TANC1: variants seen among roughly 807,000 people sequenced by gnomAD.
TANC1 encodes the protein tetratricopeptide repeat, ankyrin repeat and coiled-coil containing 1.
A neutral mutation model predicts 149.7 loss-of-function variants in TANC1; 77 were observed. The observed-to-expected ratio is 0.51, with a 90% CI of 0.43 to 0.62. The LOEUF is 0.62. TANC1 is among the 20% of genes least tolerant of loss of function. TANC1 has a pLI of 0.00. For missense variants in TANC1, 1,985 were observed against 2,321.8 expected, an observed-to-expected ratio of 0.85 and a Z score of 2.98; for synonymous variants, 854 against 925.0, an observed-to-expected ratio of 0.92 and a Z score of 1.39.
rs201563776 is a variant in TANC1 at position 159,219,370 on chromosome 2, G to A, written c.3502+9G>A. 8.9e-5 allele frequency: 141 copies of A among 1,585,646 alleles called. No homozygotes were observed. In the East Asian group the frequency reaches 1.7e-3, roughly 19 times the overall value. On this transcript the variant is annotated intron_variant, in intron 21 of 26. Coordinates refer to ENST00000263635, the MANE Select transcript of TANC1 (RefSeq NM_033394.3). The stretch of plus-strand genomic sequence containing the variant: ...ATTCCTCCTTTCAAAAGGTAGCAGC[G>A]TGATGCCCTCAAAGGTTTCTTTTGG...
At chr2:159,024,603 T>C (rs1011567142) in intron 2 of TANC1, among the ~76,000 whole-genome samples, 12 of 151,984 alleles carry the variant, frequency 7.9e-5, no homozygotes, top group Admixed American at 2.0e-4. Context: ...ATATAAAAAT[T>C]AGCTGGGCAT....
intron 2 of TANC1, among the ~76,000 whole-genome samples, chr2:159,060,676 T>A (rs890747303): frequency 6.6e-6 from 1 of 152,214 alleles, no homozygotes; most frequent in Non-Finnish European, 1.5e-5. Flanking sequence ...CTTCTGTTTG[T>A]ATCTGTTAAA....
chr2:159,131,771 A>G (rs888864985), intron 4 of TANC1, among the ~76,000 whole-genome samples: 1 of 152,270 alleles, frequency 6.6e-6, no homozygotes, highest in East Asian at 1.9e-4. Flanking sequence ...GTGGGGGACA[A>G]TAAAACCTAT....
Position 158,996,119 on chromosome 2 carries a change from G to C in TANC1, c.-125-4961G>C, listed in dbSNP as rs147830864. 2.1e-3 allele frequency among the ~76,000 whole-genome samples: 324 copies of C among 152,366 alleles called. 2 individuals are homozygous for C. Among genetic ancestry groups the C allele is most frequent in the African/African-American group, 7.1e-3 (296 of 41,580 alleles). ...AAATCCCAGCACTTTGGGAGGCCAA[G>C]GTGGGAGGACTGTTTGAGCCCAGGA... is the stretch of plus-strand genomic sequence containing the variant. On this transcript the variant is annotated intron_variant, in intron 1 of 26. Coordinates refer to ENST00000263635, the MANE Select transcript of TANC1 (RefSeq NM_033394.3).
At chr2:159,006,967 A>G (rs1446139663) in intron 2 of TANC1, among the ~76,000 whole-genome samples, 2 of 152,132 alleles carry the variant, frequency 1.3e-5, no homozygotes, top group African/African-American at 2.4e-5. Flanking sequence ...GGGGAAAAAT[A>G]TAGTTCTTAC....
chr2:159,031,609 A>C (rs2039787325), intron 2 of TANC1, among the ~76,000 whole-genome samples: 1 of 152,230 alleles, frequency 6.6e-6, no homozygotes, highest in Non-Finnish European at 1.5e-5. Flanking sequence ...TCATGAAAGT[A>C]CTCTTTACCA....
At chr2:159,129,000 A>T (rs6724143) in intron 4 of TANC1, among the ~76,000 whole-genome samples, 20 of 152,020 alleles carry the variant, frequency 1.3e-4, no homozygotes, top group Admixed American at 1.3e-3. Context: ...CCACTGTGGA[A>T]TGAAAACCTA....
chr2:159,064,601 G>T (rs917083993), intron 2 of TANC1, among the ~76,000 whole-genome samples: 1 of 152,194 alleles, frequency 6.6e-6, no homozygotes, highest in African/African-American at 2.4e-5. Context: ...TGGCAAGCCA[G>T]CCTCCCTGGG....
chr2:159,151,440 G>A (rs1056227033), intron 7 of TANC1, among the ~76,000 whole-genome samples: 3 of 152,312 alleles, frequency 2.0e-5, no homozygotes, highest in East Asian at 1.9e-4. Flanking sequence ...GCAGTTTCAC[G>A]CAGAGCTCTT....
rs372297935 is a variant in TANC1, at chr2:159,136,238, G to A, written c.304G>A (p.Gly102Arg). 10 of 1,613,428 alleles carry A rather than the reference G, an allele frequency of 6.2e-6. No individual in the cohort carries two copies. The African/African-American group carries it at 6.7e-5, about 11-fold the overall frequency. ...PKYVESPRVP[G>R]DAVIMPFREV... is the part of the protein sequence containing the mutation. ...GTATGTGGAAAGCCCCAGAGTGCCT[G>A]GAGATGCAGTTATAATGCCATTCAG... The change falls in exon 5 of 27, where the codon GGA becomes AGA. Residue 102 changes from glycine (G) to arginine (R), a missense_variant. Gly to Arg is a moderately radical substitution (Grantham distance 125, BLOSUM62 -2). This residue lies in a region of TANC1 where 557 missense variants were observed against 612.9 expected (regional missense o/e 0.91). Transcript: ENST00000263635.
At chr2:159,119,740 C>T (rs528290763) in intron 4 of TANC1, among the ~76,000 whole-genome samples, 4 of 152,244 alleles carry the variant, frequency 2.6e-5, no homozygotes, top group East Asian at 1.9e-4. Flanking sequence ...GAGCTGCGGT[C>T]GTGGCTTATC....
intron 4 of TANC1, among the ~76,000 whole-genome samples, chr2:159,128,546 C>G (rs1468889716): frequency 6.6e-6 from 1 of 152,190 alleles, no homozygotes; most frequent in East Asian, 1.9e-4. Flanking sequence ...TCTCCTTCCC[C>G]CAAGGTGAAT....
At chr2:159,022,514 G>A (rs2038909909) in intron 2 of TANC1, among the ~76,000 whole-genome samples, 1 of 152,132 alleles carries the variant, frequency 6.6e-6, no homozygotes, top group South Asian at 2.1e-4. Flanking sequence ...GGGAAGCTGA[G>A]GTGGGCGATT....
At chr2:159,197,905 C>A (rs936358386) in intron 18 of TANC1, among the ~76,000 whole-genome samples, 4 of 152,180 alleles carry the variant, frequency 2.6e-5, no homozygotes, top group African/African-American at 9.7e-5. Context: ...ACCTTAGTGG[C>A]TTAAAGCAGC....
chr2:158,981,545 A>G (rs1342677640), intron 1 of TANC1, among the ~76,000 whole-genome samples: 1 of 103,602 alleles, frequency 9.7e-6, no homozygotes, highest in Non-Finnish European at 2.1e-5. Context: ...ATATATATAA[A>G]GAAGTAACAG....
intron 12 of TANC1, 101 bp from the exon 13 acceptor site, chr2:159,176,251 T>G (rs931508474): frequency 6.5e-6 from 4 of 615,884 alleles, no homozygotes; most frequent in South Asian, 2.6e-5. Context: ...TGTAAACCTT[T>G]TTAGTTTCTA....
At chr2:159,035,226 G>T (rs2040090750) in intron 2 of TANC1, among the ~76,000 whole-genome samples, 1 of 152,168 alleles carries the variant, frequency 6.6e-6, no homozygotes, top group South Asian at 2.1e-4. Flanking sequence ...GAAGGAGTCA[G>T]TGGGAAATTA....
At chr2:159,067,192 T>TTCTCC (rs1159511968) in intron 3 of TANC1, among the ~76,000 whole-genome samples, 1 of 152,218 alleles carries the variant, frequency 6.6e-6, no homozygotes, top group Non-Finnish European at 1.5e-5. Context: ...TCCATACTTA[T>TTCTCC]ATAAGAGAAT....
chr2:159,008,406 T>G (rs2149362936), intron 2 of TANC1, among the ~76,000 whole-genome samples: 1 of 152,294 alleles, frequency 6.6e-6, no homozygotes, highest in South Asian at 2.1e-4. Context: ...CTGCCCAAAC[T>G]TTGCTGCCTA....
Sources: allele counts gnomAD v4.1 joint callset (sites outside exome capture counted in the v4.1 genomes callset), GRCh38; gene constraint gnomAD v4.1.1; regional missense constraint gnomAD v4.1.1; transcripts MANE v1.5; gene names NCBI Gene and HGNC (gene_info 2026-07-23, HGNC 2026-07-21).